PIK3CD: variants seen among roughly 807,000 people sequenced by gnomAD.
The protein encoded by PIK3CD is phosphatidylinositol 4,5-bisphosphate 3-kinase catalytic subunit delta isoform.
In PIK3CD, 20 loss-of-function variants were observed where a neutral mutation model predicts 122.9. The ratio of observed to expected loss-of-function variants is 0.16; its 90% confidence interval spans 0.11 to 0.24. PIK3CD has a LOEUF of 0.24. Ranked by LOEUF, PIK3CD falls within the 10% of genes least tolerant of loss-of-function variation. The probability of loss-of-function intolerance (pLI) is 1.00; values close to 1 mark genes in which losing one functional copy is unlikely to be tolerated. For missense variants in PIK3CD, 787 were observed against 1,406.3 expected (o/e 0.56, Z 7.04); for synonymous variants, 596 against 593.4 (o/e 1.00, Z -0.06).
intron 1 of PIK3CD, among the ~76,000 whole-genome samples, chr1:9,691,045 G>A (rs1646179115): frequency 6.6e-6 from 1 of 152,080 alleles, no homozygotes; most frequent in South Asian, 2.1e-4. Context: ...TTTAGACCTG[G>A]GCCTTGAAAA....
chr1:9,647,460 TTAAC>T (rs1427396360), upstream of PIK3CD, among the ~76,000 whole-genome samples: 1 of 147,164 alleles, frequency 6.8e-6, no homozygotes, highest in Non-Finnish European at 1.5e-5. Flanking sequence ...TTTACAGATC[TTAAC>T]TTTTATTCAT....
chr1:9,721,044 G>A, intron 13 of PIK3CD, 83 bp from the exon 14 acceptor site: 1 of 1,458,952 alleles, frequency 6.9e-7, no homozygotes, highest in Non-Finnish European at 9.4e-7. Context: ...CCACCACCCT[G>A]ACCCTGGCTG....
At chr1:9,641,003 A>G in the PIK3CD span, among the ~76,000 whole-genome samples, 1 of 152,180 alleles carries the variant, frequency 6.6e-6, no homozygotes, top group African/African-American at 2.4e-5. Flanking sequence ...CCTGACCTCA[A>G]GGAGGCCTTC....
intron 1 of PIK3CD, chr1:9,654,679 C>T (rs1644790827): frequency 1.1e-5 from 4 of 351,600 alleles, no homozygotes; most frequent in Non-Finnish European, 2.2e-5. Flanking sequence ...AGAGCAGTTC[C>T]CGCCCTCCCT....
rs1478292642 is a variant in PIK3CD at position 9,700,729 on chromosome 1, A to T, written c.-33+9158A>T. ...TGCCCCTGGCGGTCTTTACGTGGCT[A>T]TTCATTAAGCAGCTGAGATTCATTT... is the stretch of plus-strand genomic sequence containing the variant. On this transcript the variant is annotated intron_variant, in intron 2 of 23. Coordinates refer to ENST00000377346, the MANE Select transcript of PIK3CD (RefSeq NM_005026.5). The surrounding 1 kb of genome is among the most constrained non-coding windows in gnomAD (Gnocchi z 5.1). Among the ~76,000 whole-genome samples the T allele has an allele frequency of 6.6e-6, 1 of 152,012 alleles. No individual in the cohort carries two copies. The highest frequency in any genetic ancestry group is 1.5e-5 in the Non-Finnish European group (1 of 67,998).
intron 1 of PIK3CD, among the ~76,000 whole-genome samples, chr1:9,655,066 C>CAA (rs201406696): frequency 3.6e-4 from 45 of 124,842 alleles, no homozygotes; most frequent in Middle Eastern, 4.3e-3. Flanking sequence ...GACTACATTT[C>CAA]AAAAAAAAAA....
chr1:9,671,016 C>T (rs1375476098), intron 1 of PIK3CD, among the ~76,000 whole-genome samples: 1 of 152,082 alleles, frequency 6.6e-6, no homozygotes, highest in Non-Finnish European at 1.5e-5. Flanking sequence ...TCTCAACCTC[C>T]CAAAGTGCTG....
chr1:9,630,771 G>A, the PIK3CD span, among the ~76,000 whole-genome samples: 1,526 of 151,610 alleles, frequency 0.01, 26 homozygotes, highest in African/African-American at 0.035. Context: ...TGTGGGGAAG[G>A]GCACTCCAGG....
intron 1 of PIK3CD, among the ~76,000 whole-genome samples, chr1:9,658,020 C>T (rs1644908263): frequency 1.3e-5 from 2 of 152,246 alleles, no homozygotes; most frequent in South Asian, 4.1e-4. Context: ...CTATGTTGGT[C>T]ATGAAATCTG....
At chr1:9,631,926 A>C in the PIK3CD span, among the ~76,000 whole-genome samples, 5 of 152,154 alleles carry the variant, frequency 3.3e-5, no homozygotes, top group African/African-American at 1.2e-4. Context: ...CCAGGGCTCT[A>C]TTCTCAGAGC....
At chr1:9,664,045 CTTTCTTTTT>C (rs1363811772) in intron 1 of PIK3CD, among the ~76,000 whole-genome samples, 5 of 137,762 alleles carry the variant, frequency 3.6e-5, no homozygotes, top group African/African-American at 1.1e-4. Context: ...CTTTTTCTTT[CTTTCTTTTT>C]TTTTTTTTTT....
At chr1:9,707,993 A>G (rs1387270869) in intron 2 of PIK3CD, among the ~76,000 whole-genome samples, 1 of 151,318 alleles carries the variant, frequency 6.6e-6, no homozygotes, top group Non-Finnish European at 1.5e-5. Flanking sequence ...AAGGGGTTTC[A>G]CTGTGTTAGC....
Position 9,710,670 on chromosome 1 carries a change from C to CA in PIK3CD, c.141+75dup. 2.0e-6 allele frequency: 3 copies of CA among 1,497,660 alleles called. No individual in the cohort carries two copies. The highest frequency in any genetic ancestry group is 2.8e-6 in the Non-Finnish European group (3 of 1,077,398). The allele number at this position is 1,497,660 out of a possible 1,614,324, so 92.8% of individuals were successfully genotyped here. A position where few individuals can be genotyped will look rare whatever the true frequency, so the allele number is the denominator to read the frequency against. On this transcript the variant is annotated intron_variant, in intron 3 of 23. Coordinates refer to ENST00000377346, the MANE Select transcript of PIK3CD (RefSeq NM_005026.5). This position sits in a 1 kb window ranked among gnomAD's most constrained non-coding sequence, Gnocchi z 4.7. ...AGAGAGAGAGACACAGATAGACAGA[C>CA]AGACAGACAGACAGATGGACAGGTG...
intron 1 of PIK3CD, among the ~76,000 whole-genome samples, chr1:9,666,690 CT>C (rs1232831215): frequency 2.0e-5 from 3 of 152,024 alleles, no homozygotes; most frequent in African/African-American, 7.2e-5. Context: ...CTACAAAATT[CT>C]TTTTTAATTT....
intron 1 of PIK3CD, among the ~76,000 whole-genome samples, chr1:9,682,603 G>A (rs1445772685): frequency 6.6e-6 from 1 of 152,226 alleles, no homozygotes; most frequent in Non-Finnish European, 1.5e-5. Flanking sequence ...AGGCTGGAGT[G>A]CAGTGGCACG....
Position 9,718,907 on chromosome 1 carries a change from A to C in PIK3CD, c.1234A>C (p.Lys412Gln). 6.2e-7 allele frequency: 1 copy of C among 1,612,468 alleles called. No individual in the cohort carries two copies. Among genetic ancestry groups the C allele is most frequent in the Non-Finnish European group, 8.5e-7 (1 of 1,179,958 alleles). Residue 412 changes from lysine to glutamine, a missense_variant, in exon 9 of 24, where the codon AAG (lysine) becomes CAG (glutamine). Coordinates refer to ENST00000377346, the MANE Select transcript of PIK3CD (RefSeq NM_005026.5). This position sits in a 1 kb window ranked among gnomAD's most constrained non-coding sequence, Gnocchi z 7.2. ...KKARSTKKKS[K>Q]KADCPIAWAN... Reference sequence around the variant, plus strand: ...GGCTCGCTCCACCAAGAAGAAGTCCAAGAAGGCGGTGGGTCCCAGGGCCGG... The same window carrying C: ...GGCTCGCTCCACCAAGAAGAAGTCCCAGAAGGCGGTGGGTCCCAGGGCCGG...
In PIK3CD at chr1:9,724,992, AGC is replaced by A; in HGVS notation, c.2997+57_2997+58del. 3 of 1,605,512 alleles carry A rather than the reference AGC, an allele frequency of 1.9e-6. No homozygotes were observed. In the South Asian group the frequency reaches 3.3e-5, roughly 18 times the overall value. On this transcript the variant is annotated intron_variant, in intron 23 of 23. Coordinates refer to ENST00000377346, the MANE Select transcript of PIK3CD (RefSeq NM_005026.5). This position sits in a 1 kb window ranked among gnomAD's most constrained non-coding sequence, Gnocchi z 7.3. ...AGTGGACTTCCAAGGCCTGCCCCCG[AGC>A]AATGTGACCTAGGAGGGCCCTGAAT...
At chr1:9,685,089 C>G (rs918692050) in intron 1 of PIK3CD, among the ~76,000 whole-genome samples, 1 of 151,678 alleles carries the variant, frequency 6.6e-6, no homozygotes, top group Non-Finnish European at 1.5e-5. Flanking sequence ...TTTGAGTTAC[C>G]CAGGGGTGAG....
the PIK3CD span, among the ~76,000 whole-genome samples, chr1:9,635,274 T>C: frequency 7.0e-5 from 7 of 99,714 alleles, no homozygotes; most frequent in Non-Finnish European, 9.7e-5. Context: ...GACTCCATCC[T>C]GAAAAAAAAA....
Sources: gnomAD v4.1 joint callset for allele counts (sites outside exome capture counted in the v4.1 genomes callset) on GRCh38, gnomAD v4.1.1 for gene constraint, Gnocchi (gnomAD v3.1) non-coding constraint, MANE v1.5 for transcripts, NCBI Gene and HGNC (gene_info 2026-07-23, HGNC 2026-07-21) for gene names.